The following NKAIN3 variants were observed in gnomAD, a reference collection of about 807,000 sequenced individuals.
NKAIN3 encodes the protein sodium/potassium transporting ATPase interacting 3.
A neutral mutation model predicts 30.2 loss-of-function variants in NKAIN3; 25 were observed. The observed-to-expected ratio is 0.83, with a 90% CI of 0.60 to 1.16. NKAIN3 has a LOEUF of 1.16. Among genes scored for constraint, NKAIN3 ranks in the 50% most tolerant of loss-of-function variants. NKAIN3 has a pLI of 0.00. For synonymous variants in NKAIN3, 91 were observed against 89.6 expected (o/e 1.02, Z -0.09); for missense variants, 225 against 254.1 (o/e 0.89, Z 0.78).
chr8:62,718,481 C>T (rs2130510900), intron 3 of NKAIN3, among the ~76,000 whole-genome samples: 1 of 152,264 alleles, frequency 6.6e-6, no homozygotes, highest in East Asian at 1.9e-4. Context: ...ATTCACCTTG[C>T]TAATTCATGT....
chr8:62,880,942 T>C (rs1820957986), intron 4 of NKAIN3, among the ~76,000 whole-genome samples: 1 of 152,202 alleles, frequency 6.6e-6, no homozygotes, highest in African/African-American at 2.4e-5. Flanking sequence ...TATGCACAGC[T>C]TTCCCCACCA....
intron 3 of NKAIN3, among the ~76,000 whole-genome samples, chr8:62,678,967 A>G (rs1813568441): frequency 1.3e-5 from 2 of 152,308 alleles, no homozygotes; most frequent in South Asian, 2.1e-4. Context: ...CTCTTAAGAT[A>G]TATGAAAAAA....
chr8:62,355,573 T>C (rs1194445544), intron 1 of NKAIN3, among the ~76,000 whole-genome samples: 1 of 152,202 alleles, frequency 6.6e-6, no homozygotes, highest in East Asian at 1.9e-4. Context: ...CTAATATTTG[T>C]CACCAGTCTA....
intron 1 of NKAIN3, among the ~76,000 whole-genome samples, chr8:62,481,192 G>A (rs528190298): frequency 2.2e-4 from 34 of 152,250 alleles, no homozygotes; most frequent in South Asian, 6.2e-4. Flanking sequence ...GTTAGTAAGT[G>A]TTCAAAGTAT....
At chr8:62,762,174 G>A (rs780243261) in intron 4 of NKAIN3, among the ~76,000 whole-genome samples, 1 of 152,086 alleles carries the variant, frequency 6.6e-6, no homozygotes, top group African/African-American at 2.4e-5. Flanking sequence ...AAATTAGCCA[G>A]GCATGGTGGT....
chr8:62,693,914 A>C (rs1160390206), intron 3 of NKAIN3, among the ~76,000 whole-genome samples: 1 of 152,198 alleles, frequency 6.6e-6, no homozygotes, highest in Non-Finnish European at 1.5e-5. Context: ...TAGACAACAA[A>C]AAAGAAAAAA....
intron 1 of NKAIN3, among the ~76,000 whole-genome samples, chr8:62,440,579 G>A (rs1236646968): frequency 6.6e-6 from 1 of 152,056 alleles, no homozygotes; most frequent in African/African-American, 2.4e-5. Flanking sequence ...TAGTGTCCCT[G>A]CGACCTGTGT....
At chr8:62,886,955 G>C (rs1821164534) in intron 4 of NKAIN3, among the ~76,000 whole-genome samples, 1 of 152,070 alleles carries the variant, frequency 6.6e-6, no homozygotes, top group African/African-American at 2.4e-5. Context: ...TGAGGATGAT[G>C]GCCTCCAGCT....
At chr8:62,737,132 C>T (rs973431290) in intron 3 of NKAIN3, among the ~76,000 whole-genome samples, 12 of 152,146 alleles carry the variant, frequency 7.9e-5, no homozygotes, top group Non-Finnish European at 5.9e-5. Context: ...CTGCAGTAGA[C>T]CTTGGAGCAA....
At chr8:62,519,397 CAG>C (rs1808087949) in intron 1 of NKAIN3, among the ~76,000 whole-genome samples, 1 of 152,126 alleles carries the variant, frequency 6.6e-6, no homozygotes, top group Admixed American at 6.6e-5. Context: ...AATGTCACAT[CAG>C]AGAAAACTTC....
chr8:62,489,718 G>A (rs1319158068), intron 1 of NKAIN3, among the ~76,000 whole-genome samples: 1 of 152,154 alleles, frequency 6.6e-6, no homozygotes, highest in African/African-American at 2.4e-5. Context: ...AATATACTGT[G>A]TTTAATATAA....
At chr8:62,345,746 G>T (rs1815984062) in intron 1 of NKAIN3, among the ~76,000 whole-genome samples, 1 of 151,268 alleles carries the variant, frequency 6.6e-6, no homozygotes, top group African/African-American at 2.4e-5. Context: ...TTTCCAAATG[G>T]GGATATCCTA....
At chr8:62,330,420 A>G (rs1815303745) in intron 1 of NKAIN3, among the ~76,000 whole-genome samples, 1 of 152,052 alleles carries the variant, frequency 6.6e-6, no homozygotes, top group African/African-American at 2.4e-5. Flanking sequence ...TAGTGGCAGT[A>G]GGAAAGAGAG....
At chr8:62,580,851 G>A (rs1810264249) in intron 2 of NKAIN3, among the ~76,000 whole-genome samples, 1 of 151,522 alleles carries the variant, frequency 6.6e-6, no homozygotes, top group South Asian at 2.1e-4. Context: ...AGCACTTTGG[G>A]AGGCTGAGGC....
At chr8:62,664,484 A>G (rs543144514) in intron 3 of NKAIN3, among the ~76,000 whole-genome samples, 1 of 152,204 alleles carries the variant, frequency 6.6e-6, no homozygotes, top group African/African-American at 2.4e-5. Context: ...ATAATCAATT[A>G]TCTGTCCTCA....
rs1488297219 is a variant in NKAIN3, at chr8:62,403,547, C to T, written c.54+154420C>T. 2.6e-5 allele frequency among the ~76,000 whole-genome samples: 4 copies of T among 152,348 alleles called. No homozygotes were observed. In the East Asian group the frequency reaches 7.7e-4, roughly 29 times the overall value. Reference sequence around the variant, plus strand: ...ATGGCTGAAAGAGGTCAAGTTACAGCTCAGGCCATTGTTTCAGAGGGTGCA... The same window carrying T: ...ATGGCTGAAAGAGGTCAAGTTACAGTTCAGGCCATTGTTTCAGAGGGTGCA... On this transcript the variant is annotated intron_variant, in intron 1 of 6. Coordinates refer to ENST00000623646, the MANE Select transcript of NKAIN3 (RefSeq NM_001304533.3).
At chr8:62,623,645 A>G (rs930967485) in intron 3 of NKAIN3, among the ~76,000 whole-genome samples, 4 of 152,090 alleles carry the variant, frequency 2.6e-5, no homozygotes, top group Admixed American at 2.0e-4. Context: ...TTTCTAAAGA[A>G]CTACTTGAAA....
chr8:62,448,343 CTT>C (rs1232428463), intron 1 of NKAIN3, among the ~76,000 whole-genome samples: 1 of 151,322 alleles, frequency 6.6e-6, no homozygotes, highest in East Asian at 1.9e-4. Flanking sequence ...TTACGGAAAA[CTT>C]TTAGTTTTCA....
At chr8:62,624,597 T>C (rs533688133) in intron 3 of NKAIN3, among the ~76,000 whole-genome samples, 226 of 152,090 alleles carry the variant, frequency 1.5e-3, no homozygotes, top group African/African-American at 5.2e-3. Context: ...GTTTGACGTT[T>C]ATCTGTTGAA....
Sources: gnomAD v4.1 joint callset for allele counts (sites outside exome capture counted in the v4.1 genomes callset) on GRCh38, gnomAD v4.1.1 for gene constraint, MANE v1.5 for transcripts, NCBI Gene and HGNC (gene_info 2026-07-23, HGNC 2026-07-21) for gene names.